The following FBLN7 variants were observed in gnomAD, a reference collection of about 807,000 sequenced individuals.
The protein encoded by FBLN7 is fibulin-7.
In FBLN7, 31 loss-of-function variants were observed where a neutral mutation model predicts 44.0. The ratio of observed to expected loss-of-function variants is 0.70; its 90% CI spans 0.53 to 0.95. The LOEUF (loss-of-function observed/expected upper bound fraction) is 0.95. FBLN7 is among the 40% of genes least tolerant of loss of function. The pLI, the probability that FBLN7 is intolerant of heterozygous loss-of-function variation, is 0.00. For missense variants in FBLN7, 573 were observed against 618.5 expected (o/e 0.93, Z 0.78); for synonymous variants, 262 against 253.4 (o/e 1.03, Z -0.32).
chr2:112,217,258 C>T, the FBLN7 span, among the ~76,000 whole-genome samples: 1 of 152,060 alleles, frequency 6.6e-6, no homozygotes, highest in African/African-American at 2.4e-5. Flanking sequence ...GTAATCCCAG[C>T]TATTCAGGAG....
chr2:112,237,645 G>A, the FBLN7 span, among the ~76,000 whole-genome samples: 2 of 150,504 alleles, frequency 1.3e-5, no homozygotes, highest in Non-Finnish European at 1.5e-5. Context: ...GTGTGATCTC[G>A]GCTCACTGCA....
the FBLN7 span, among the ~76,000 whole-genome samples, chr2:112,200,085 C>A: frequency 1.3e-5 from 2 of 152,196 alleles, no homozygotes; most frequent in Non-Finnish European, 2.9e-5. Context: ...TTTGCTGCAG[C>A]AAATAGTAAA....
At chr2:112,228,677 T>C in the FBLN7 span, among the ~76,000 whole-genome samples, 4 of 152,170 alleles carry the variant, frequency 2.6e-5, no homozygotes, top group African/African-American at 9.7e-5. Context: ...GACTTTGTGT[T>C]AGGCAATAAA....
the FBLN7 span, among the ~76,000 whole-genome samples, chr2:112,209,766 C>T: frequency 6.6e-6 from 1 of 152,072 alleles, no homozygotes. Context: ...ACAGGATGGC[C>T]ACCTGACATA....
chr2:112,196,960 C>A, the FBLN7 span, among the ~76,000 whole-genome samples: 33 of 152,056 alleles, frequency 2.2e-4, 1 homozygote, highest in East Asian at 6.4e-3. Context: ...TTTATAAAAC[C>A]ATTGGATCTC....
chr2:112,213,775 CAAAAAAAAAAAAAAAAAA>C, the FBLN7 span: 21 of 24,078 alleles, frequency 8.7e-4, no homozygotes, highest in East Asian at 0.011. Flanking sequence ...GACTCCGTCT[CAAAAAAAAAAAAAAAAAA>C]AAAAAAAAAA....
chr2:112,212,727 T>C, the FBLN7 span: 2 of 152,120 alleles, frequency 1.3e-5, no homozygotes, highest in Non-Finnish European at 2.9e-5. Context: ...AAGACAGCTG[T>C]CTCTGTTCTG....
downstream of FBLN7, among the ~76,000 whole-genome samples, chr2:112,191,920 C>T (rs1683502898): frequency 6.6e-6 from 1 of 152,130 alleles, no homozygotes; most frequent in African/African-American, 2.4e-5. Context: ...TGACCGGTTC[C>T]CTCCACCCTA....
intron 2 of FBLN7, among the ~76,000 whole-genome samples, chr2:112,160,659 C>T (rs1465738601): frequency 3.9e-4 from 56 of 142,068 alleles, no homozygotes; most frequent in Non-Finnish European, 6.8e-4. Context: ...CACGCACACG[C>T]GCACGCACAC....
chr2:112,211,288 T>C, the FBLN7 span, among the ~76,000 whole-genome samples: 1 of 152,150 alleles, frequency 6.6e-6, no homozygotes, highest in Non-Finnish European at 1.5e-5. Context: ...CAAATCTTCA[T>C]ATTTGCCATA....
At chr2:112,223,144 A>G in the FBLN7 span, among the ~76,000 whole-genome samples, 1 of 152,132 alleles carries the variant, frequency 6.6e-6, no homozygotes, top group Non-Finnish European at 1.5e-5. Flanking sequence ...GCATTAGGAG[A>G]TATACCTAAT....
At chr2:112,150,675 C>G (rs976968656) in intron 1 of FBLN7, among the ~76,000 whole-genome samples, 2 of 152,160 alleles carry the variant, frequency 1.3e-5, no homozygotes, top group African/African-American at 4.8e-5. Flanking sequence ...GTTGACTGAT[C>G]TGGGGCAAGT....
chr2:112,169,880 G>C (rs1682359519), intron 3 of FBLN7, among the ~76,000 whole-genome samples: 1 of 152,168 alleles, frequency 6.6e-6, no homozygotes, highest in Admixed American at 6.5e-5. Context: ...GAGATGAAAG[G>C]AGGAATGGGA....
At chr2:112,181,288 A>T (rs577997228) in intron 4 of FBLN7, among the ~76,000 whole-genome samples, 1 of 152,160 alleles carries the variant, frequency 6.6e-6, no homozygotes, top group Non-Finnish European at 1.5e-5. Flanking sequence ...GTGTTTATCT[A>T]TGTAACAAAC....
chr2:112,179,569 A>G (rs566136846), intron 4 of FBLN7, among the ~76,000 whole-genome samples: 8 of 152,360 alleles, frequency 5.3e-5, no homozygotes, highest in Non-Finnish European at 5.9e-5. Context: ...AGCTAAAGGA[A>G]TCACATTACC....
intron 4 of FBLN7, among the ~76,000 whole-genome samples, chr2:112,179,610 G>T (rs1371286486): frequency 6.6e-6 from 1 of 152,116 alleles, no homozygotes; most frequent in Non-Finnish European, 1.5e-5. Flanking sequence ...AGGCTACAGT[G>T]ACCAAAACAG....
In FBLN7 at chr2:112,138,423, C is replaced by A. The variant is rs1392912456; in HGVS notation, c.-233C>A. On this transcript the variant is annotated 5_prime_UTR_variant, in exon 1 of 8. The change creates a new upstream start codon in the 5' untranslated region. Transcript: ENST00000331203. Reference sequence around the variant, plus strand: ...CCGGCGCCTCCCCGCCTCGCGCGGACTGTCTCGTGCGGGCAGCTGCGGGCG... The same window carrying A: ...CCGGCGCCTCCCCGCCTCGCGCGGAATGTCTCGTGCGGGCAGCTGCGGGCG... The A allele has an allele frequency of 8.4e-6, 2 of 236,814 alleles. No homozygotes were observed. Among genetic ancestry groups the A allele is most frequent in the Non-Finnish European group, 1.5e-5 (2 of 129,132 alleles). 14.7% of individuals were successfully genotyped at this position (236,814 alleles called of 1,614,324 possible).
chr2:112,199,223 A>G, the FBLN7 span, among the ~76,000 whole-genome samples: 1 of 152,098 alleles, frequency 6.6e-6, no homozygotes, highest in Non-Finnish European at 1.5e-5. Flanking sequence ...CTCCTTTAGC[A>G]TCCCTGCATG....
chr2:112,149,228 A>AT lies in FBLN7; in HGVS notation c.76-10445dup, dbSNP rs1379920945. 9.2e-5 allele frequency among the ~76,000 whole-genome samples: 14 copies of AT among 152,284 alleles called. No individual in the cohort carries two copies. The East Asian group carries it at 1.9e-3, about 21-fold the overall frequency. ...GAAGTCCCCTTGCTCCCTTGGGGTCATTTCTGGCCCTGGGGGCATTGGGCA... is the reference window on the plus strand; with the variant it reads ...GAAGTCCCCTTGCTCCCTTGGGGTCATTTTCTGGCCCTGGGGGCATTGGGCA... On this transcript the variant is annotated intron_variant, in intron 1 of 7. Coordinates refer to ENST00000331203, the MANE Select transcript of FBLN7 (RefSeq NM_153214.3).
Sources: allele counts gnomAD v4.1 joint callset (sites outside exome capture counted in the v4.1 genomes callset), GRCh38; gene constraint gnomAD v4.1.1; transcripts MANE v1.5; gene names NCBI Gene and HGNC (gene_info 2026-07-23, HGNC 2026-07-21).